The following RAD51B variants were observed in gnomAD, a reference collection of about 807,000 sequenced individuals.
RAD51B encodes the protein DNA repair protein RAD51 homolog 2.
In RAD51B, 38 loss-of-function variants were observed where a neutral mutation model predicts 42.2. The observed-to-expected ratio is 0.90, with a 90% CI of 0.70 to 1.18. RAD51B has a LOEUF of 1.18. Ranked by LOEUF, RAD51B falls within the 50% of genes most tolerant of loss-of-function variation. RAD51B has a pLI of 0.00. For synonymous variants in RAD51B, 154 were observed against 145.2 expected (o/e 1.06, Z -0.43); for missense variants, 373 against 400.7 (o/e 0.93, Z 0.59).
chr14:67,865,729 A>G (rs934392465), intron 5 of RAD51B, among the ~76,000 whole-genome samples: 4 of 150,902 alleles, frequency 2.7e-5, no homozygotes, highest in African/African-American at 9.8e-5. Context: ...TAGTAGAGAC[A>G]GTGTTTCACC....
At chr14:67,922,137 T>A (rs1432989750) in intron 7 of RAD51B, among the ~76,000 whole-genome samples, 1 of 152,220 alleles carries the variant, frequency 6.6e-6, no homozygotes, top group Non-Finnish European at 1.5e-5. Flanking sequence ...TATTTTGAAG[T>A]GCCAACTTAA....
intron 7 of RAD51B, among the ~76,000 whole-genome samples, chr14:68,070,871 G>T (rs1174522714): frequency 6.6e-6 from 1 of 151,780 alleles, no homozygotes; most frequent in Non-Finnish European, 1.5e-5. Context: ...ATTGCTTTTG[G>T]CAATATGGCC....
At chr14:68,296,468 T>G (rs1388678672) in intron 8 of RAD51B, among the ~76,000 whole-genome samples, 1 of 152,190 alleles carries the variant, frequency 6.6e-6, no homozygotes, top group African/African-American at 2.4e-5. Context: ...TCATTGGAGA[T>G]ACTAAGAACT....
intron 7 of RAD51B, among the ~76,000 whole-genome samples, chr14:68,051,925 A>G (rs1595327479): frequency 6.6e-6 from 1 of 152,208 alleles, no homozygotes; most frequent in East Asian, 1.9e-4. Flanking sequence ...TAGGAAAAAT[A>G]TAAAGAGGTC....
At chr14:67,854,225 A>G (rs1052490147) in intron 4 of RAD51B, among the ~76,000 whole-genome samples, 19 of 152,230 alleles carry the variant, frequency 1.2e-4, no homozygotes, top group African/African-American at 4.1e-4. Flanking sequence ...TTTATACATA[A>G]AAGAGTAAAA....
At chr14:68,153,802 A>G (rs2078441130) in intron 7 of RAD51B, among the ~76,000 whole-genome samples, 1 of 152,102 alleles carries the variant, frequency 6.6e-6, no homozygotes, top group African/African-American at 2.4e-5. Flanking sequence ...TTCCACCCTA[A>G]TTGGGCAAAT....
intron 7 of RAD51B, among the ~76,000 whole-genome samples, chr14:68,242,705 A>G (rs1300681815): frequency 6.6e-6 from 1 of 152,234 alleles, no homozygotes; most frequent in Non-Finnish European, 1.5e-5. Context: ...GCTAAACGCC[A>G]TGCTAAATAA....
At chr14:68,578,540 A>G (rs1305295502) in intron 10 of RAD51B, among the ~76,000 whole-genome samples, 1 of 152,268 alleles carries the variant, frequency 6.6e-6, no homozygotes, top group Middle Eastern at 3.2e-3. Context: ...TGCAATTAGT[A>G]TAAAGCAAAG....
intron 9 of RAD51B, among the ~76,000 whole-genome samples, chr14:68,451,056 C>G (rs895947255): frequency 1.3e-5 from 2 of 152,160 alleles, no homozygotes; most frequent in Non-Finnish European, 2.9e-5. Flanking sequence ...TCAGGGCCCT[C>G]TGTTTCAGGC....
intron 10 of RAD51B, among the ~76,000 whole-genome samples, chr14:68,485,450 C>T (rs1217492186): frequency 6.6e-6 from 1 of 152,122 alleles, no homozygotes; most frequent in Non-Finnish European, 1.5e-5. Flanking sequence ...AATAAAATCC[C>T]TCTCTCAGCT....
intron 10 of RAD51B, among the ~76,000 whole-genome samples, chr14:68,642,013 G>A (rs936395973): frequency 1.3e-5 from 2 of 152,048 alleles, no homozygotes; most frequent in Non-Finnish European, 1.5e-5. Flanking sequence ...CTAATATTTT[G>A]TTGAGGATTT....
intron 7 of RAD51B, among the ~76,000 whole-genome samples, chr14:68,208,808 G>T (rs1422592315): frequency 1.3e-5 from 2 of 152,110 alleles, no homozygotes; most frequent in East Asian, 1.9e-4. Flanking sequence ...AACTCATTGG[G>T]GTTATATATT....
chr14:68,185,675 G>A (rs1445408783), intron 7 of RAD51B, among the ~76,000 whole-genome samples: 1 of 152,210 alleles, frequency 6.6e-6, no homozygotes, highest in East Asian at 1.9e-4. Context: ...GGATGGGGGC[G>A]GGGGTGGTGG....
At chr14:68,549,496 A>G (rs953176752) in intron 10 of RAD51B, among the ~76,000 whole-genome samples, 2 of 136,252 alleles carry the variant, frequency 1.5e-5, no homozygotes, top group African/African-American at 2.7e-5. Flanking sequence ...ACTCACTGCA[A>G]GCTCCGCCTC....
At chr14:67,870,483 A>T (rs2042488848) in intron 5 of RAD51B, among the ~76,000 whole-genome samples, 1 of 134,104 alleles carries the variant, frequency 7.5e-6, no homozygotes. Flanking sequence ...ACACATTAAT[A>T]ATGGGAGACT....
chr14:68,086,728 A>AT (rs1159961041), intron 7 of RAD51B, among the ~76,000 whole-genome samples: 1 of 152,120 alleles, frequency 6.6e-6, no homozygotes, highest in East Asian at 1.9e-4. Context: ...AAGTCAAGGG[A>AT]TGTTATTGGT....
rs191247932 is a variant in RAD51B at position 68,065,111 on chromosome 14, G to A, written c.756+177907G>A. On this transcript the variant is annotated intron_variant, in intron 7 of 10. Transcript: ENST00000471583. ...ATTCCAATTTTGTAGAGGGGCTTTC[G>A]TTGGGGAAGACTTTCACCTGCAGAT... Among the ~76,000 whole-genome samples the A allele has an allele frequency of 2.0e-4, 30 of 152,280 alleles. 1 individual carries two copies. The highest frequency in any genetic ancestry group is 2.9e-4 in the Non-Finnish European group (20 of 68,026).
intron 10 of RAD51B, among the ~76,000 whole-genome samples, chr14:68,580,882 G>A (rs760953902): frequency 1.5e-4 from 23 of 152,182 alleles, no homozygotes; most frequent in Non-Finnish European, 2.9e-4. Context: ...CACACGGGGC[G>A]GGGACGTGGC....
rs146509035 is a variant in RAD51B, at chr14:68,448,027, G to A, written c.958-20145G>A. On this transcript the variant is annotated intron_variant, in intron 9 of 10. Transcript: ENST00000471583. ...ATAATTTTCAAAATCTAGCTGGATC[G>A]GCAAGTCTGAATTGGGAGTGAGCAG... Among the ~76,000 whole-genome samples, 9 of 152,302 alleles carry A rather than the reference G, an allele frequency of 5.9e-5. No individual in the cohort carries two copies. In the East Asian group the frequency reaches 1.5e-3, roughly 26 times the overall value.
Sources: gnomAD v4.1 joint callset for allele counts (sites outside exome capture counted in the v4.1 genomes callset) on GRCh38, gnomAD v4.1.1 for gene constraint, MANE v1.5 for transcripts, NCBI Gene and HGNC (gene_info 2026-07-23, HGNC 2026-07-21) for gene names.